The following TRMT11 variants were observed in gnomAD, a reference collection of about 807,000 sequenced individuals.
TRMT11 encodes tRNA methyltransferase 11, also known as tRNA (guanine(10)-N(2))-methyltransferase TRMT11.
A neutral mutation model predicts 62.8 loss-of-function variants in TRMT11; 53 were observed. The ratio of observed to expected loss-of-function variants is 0.84; its 90% CI spans 0.68 to 1.06. The LOEUF (loss-of-function observed/expected upper bound fraction) is 1.06, where lower values mean the gene tolerates loss of function less well. Among genes scored for constraint, TRMT11 ranks in the 50% least tolerant of loss-of-function variants. TRMT11 has a pLI of 0.00. For missense variants in TRMT11, 556 were observed against 553.4 expected (o/e 1.00, Z -0.05); for synonymous variants, 188 against 190.3 (o/e 0.99, Z 0.10).
At chr6:126,008,309 T>A in intron 7 of TRMT11, 83 bp from the exon 8 acceptor site, 1 of 1,155,056 alleles carries the variant, frequency 8.7e-7, no homozygotes. Flanking sequence ...GCAGCTAGTT[T>A]CTAAGACTGG....
chr6:126,208,499 G>C (rs779995158), downstream of TRMT11, among the ~76,000 whole-genome samples: 3 of 152,046 alleles, frequency 2.0e-5, no homozygotes, highest in Non-Finnish European at 4.4e-5. Context: ...AGTGATTTAC[G>C]TGAAAACCAA....
chr6:126,030,028 TGTA>T (rs1208899858), intron 12 of TRMT11, among the ~76,000 whole-genome samples: 8 of 152,290 alleles, frequency 5.3e-5, no homozygotes, highest in African/African-American at 1.9e-4. Context: ...CTTACTATCA[TGTA>T]GTGAAATTTT....
intron 17 of TRMT11, among the ~76,000 whole-genome samples, chr6:126,107,465 G>A (rs1271697814): frequency 1.3e-5 from 2 of 152,178 alleles, no homozygotes; most frequent in Non-Finnish European, 2.9e-5. Context: ...TATGAAAAAT[G>A]TAAATAAGCG....
intron 11 of TRMT11, among the ~76,000 whole-genome samples, chr6:126,015,880 A>G (rs992344331): frequency 2.0e-5 from 3 of 152,138 alleles, no homozygotes; most frequent in Non-Finnish European, 4.4e-5. Flanking sequence ...TGTTTCTTCT[A>G]TGACCAGAAT....
chr6:126,064,715 A>G (rs1164606294), intron 17 of TRMT11, among the ~76,000 whole-genome samples: 1 of 152,064 alleles, frequency 6.6e-6, no homozygotes, highest in African/African-American at 2.4e-5. Context: ...AAAATCATGT[A>G]AGTTAGGCCC....
At chr6:126,211,900 A>G in the TRMT11 span, among the ~76,000 whole-genome samples, 8 of 152,116 alleles carry the variant, frequency 5.3e-5, 1 homozygote, top group Admixed American at 2.0e-4. Context: ...TTTTTGTATT[A>G]GTAACCATCC....
At chr6:126,068,159 A>AT (rs1281779060) in intron 17 of TRMT11, among the ~76,000 whole-genome samples, 1 of 151,992 alleles carries the variant, frequency 6.6e-6, no homozygotes, top group African/African-American at 2.4e-5. Flanking sequence ...ATTGTCCATC[A>AT]TTTTTTATTG....
intron 21 of TRMT11, among the ~76,000 whole-genome samples, chr6:126,161,574 T>C (rs1470455773): frequency 6.6e-6 from 1 of 152,220 alleles, no homozygotes; most frequent in Non-Finnish European, 1.5e-5. Context: ...TAGAATGATT[T>C]ATAATCCTTT....
chr6:126,172,943 G>T (rs989047295), upstream of TRMT11, among the ~76,000 whole-genome samples: 1 of 152,172 alleles, frequency 6.6e-6, no homozygotes, highest in African/African-American at 2.4e-5. Context: ...GTCAGGAAAG[G>T]CTGGCAGGAG....
At chr6:126,052,247 G>C (rs1284425852) in intron 16 of TRMT11, among the ~76,000 whole-genome samples, 1 of 152,144 alleles carries the variant, frequency 6.6e-6, no homozygotes. Flanking sequence ...TAAAGAAATT[G>C]ATAAGCTGTT....
At chr6:126,065,967 T>C (rs1237342744) in intron 17 of TRMT11, among the ~76,000 whole-genome samples, 1 of 152,232 alleles carries the variant, frequency 6.6e-6, no homozygotes, top group Non-Finnish European at 1.5e-5. Flanking sequence ...GCTCAAATGC[T>C]GCTAGACAAA....
intron 18 of TRMT11, among the ~76,000 whole-genome samples, chr6:126,114,106 A>G (rs1286631563): frequency 6.6e-6 from 1 of 152,138 alleles, no homozygotes. Context: ...TCATGTCATG[A>G]TGAAGGCATT....
At chr6:126,027,575 G>T (rs960064435) in intron 12 of TRMT11, among the ~76,000 whole-genome samples, 29 of 152,172 alleles carry the variant, frequency 1.9e-4, no homozygotes, top group Middle Eastern at 3.4e-3. Context: ...GTATGGGTAC[G>T]TTTAATTCAA....
At chr6:126,114,445 G>A (rs1459325664) in intron 18 of TRMT11, among the ~76,000 whole-genome samples, 1 of 152,094 alleles carries the variant, frequency 6.6e-6, no homozygotes, top group East Asian at 1.9e-4. Context: ...TGGATGATGA[G>A]ATGCCCATGA....
chr6:126,254,668 CTA>C, the TRMT11 span, among the ~76,000 whole-genome samples: 3 of 152,140 alleles, frequency 2.0e-5, no homozygotes, highest in Non-Finnish European at 2.9e-5. Flanking sequence ...TCCCTCATCG[CTA>C]TGTTTTATTT....
the TRMT11 span, among the ~76,000 whole-genome samples, chr6:126,259,800 G>A: frequency 1.3e-5 from 2 of 151,994 alleles, no homozygotes; most frequent in African/African-American, 4.8e-5. Context: ...TTGTTGAACT[G>A]ATCTCCTTAT....
At chr6:126,259,616 A>G in the TRMT11 span, among the ~76,000 whole-genome samples, 2 of 152,150 alleles carry the variant, frequency 1.3e-5, no homozygotes, top group South Asian at 2.1e-4. Flanking sequence ...TGATAGAATG[A>G]TTTCTATTCC....
chr6:126,055,336 C>A (rs1368807532), intron 17 of TRMT11, among the ~76,000 whole-genome samples: 1 of 152,198 alleles, frequency 6.6e-6, no homozygotes, highest in African/African-American at 2.4e-5. Flanking sequence ...CTAGCCCTTG[C>A]TTGTGGCCCG....
chr6:126,048,671 A>G (rs576543946), intron 16 of TRMT11, among the ~76,000 whole-genome samples: 2 of 152,274 alleles, frequency 1.3e-5, no homozygotes, highest in African/African-American at 4.8e-5. Flanking sequence ...GGACACAAGT[A>G]AAGTACTTGA....
Sources: gnomAD v4.1 joint callset for allele counts (sites outside exome capture counted in the v4.1 genomes callset) on GRCh38, gnomAD v4.1.1 for gene constraint, MANE v1.5 for transcripts, NCBI Gene and HGNC (gene_info 2026-07-23, HGNC 2026-07-21) for gene names.